Variants in KIRREL3 observed in about 807,000 individuals in gnomAD.
KIRREL3 encodes the protein kin of IRRE-like protein 3.
KIRREL3 carries 36 observed loss-of-function variants against 89.7 expected under a neutral mutation model. That is an observed-to-expected ratio of 0.40 (90% confidence interval 0.31 to 0.53). The LOEUF (loss-of-function observed/expected upper bound fraction) is 0.53, where lower values mean the gene tolerates loss of function less well. Ranked by LOEUF, KIRREL3 falls within the 20% of genes least tolerant of loss-of-function variation. KIRREL3 has a pLI of 0.49. For missense variants in KIRREL3, 864 were observed against 1,056.6 expected, an observed-to-expected ratio of 0.82 and a Z score of 2.53; for synonymous variants, 445 against 441.4, an observed-to-expected ratio of 1.01 and a Z score of -0.10.
intron 4 of KIRREL3, among the ~76,000 whole-genome samples, chr11:126,479,862 T>C (rs751499809): frequency 2.0e-5 from 3 of 152,226 alleles, no homozygotes; most frequent in Non-Finnish European, 4.4e-5. Context: ...ACTGGTCTTC[T>C]CCTGGGTCAC....
At chr11:126,735,919 A>G (rs1345121429) in intron 1 of KIRREL3, among the ~76,000 whole-genome samples, 2 of 152,226 alleles carry the variant, frequency 1.3e-5, no homozygotes, top group Admixed American at 6.5e-5. Flanking sequence ...TAAACATCCC[A>G]GTATTTCCAG....
rs1947674841 is a variant in KIRREL3 at position 126,709,545 on chromosome 11, A to T, written c.56-146633T>A. Among the ~76,000 whole-genome samples the T allele has an allele frequency of 6.6e-6, 1 of 152,152 alleles. No individual in the cohort carries two copies. The highest frequency in any genetic ancestry group is 2.4e-5 in the African/African-American group (1 of 41,436). The stretch of plus-strand genomic sequence containing the variant: ...GTCTATATTTGGAGATAGGGTCTTT[A>T]AAAAGGTGATTAAGTTAAAATGAGG... On this transcript the variant is annotated intron_variant, in intron 1 of 16. Coordinates refer to ENST00000525144, the MANE Select transcript of KIRREL3 (RefSeq NM_032531.4). The surrounding 1 kb of genome is among the most constrained non-coding windows in gnomAD (Gnocchi z 4.0).
chr11:127,000,125 C>T lies in KIRREL3; in HGVS notation c.55+330G>A, dbSNP rs7924986. 0.1 allele frequency among the ~76,000 whole-genome samples: 15,424 copies of T among 152,092 alleles called. 1,373 individuals carry two copies. Among genetic ancestry groups the T allele is most frequent in the East Asian group, 0.42 (2,167 of 5,152 alleles). On this transcript the variant is annotated intron_variant, in intron 1 of 16. Coordinates refer to ENST00000525144, the MANE Select transcript of KIRREL3 (RefSeq NM_032531.4). The surrounding 1 kb of genome is among the most constrained non-coding windows in gnomAD (Gnocchi z 7.1). ...AGAGGAGGTGCCCAGAAGTTCAGAG[C>T]GGCATAACCACAGAGATACTACCTA...
rs778871292 is a variant in KIRREL3 at position 126,965,634 on chromosome 11, C to CTT, written c.55+34819_55+34820dup. ...CTTTAAATATTATAAAATTTTGGTT[C>CTT]TTTGCTGATGGAGAGGTCAGAGCCA... On this transcript the variant is annotated intron_variant, in intron 1 of 16. Transcript: ENST00000525144. The surrounding 1 kb of genome is among the most constrained non-coding windows in gnomAD (Gnocchi z 4.4). 1.3e-5 allele frequency among the ~76,000 whole-genome samples: 2 copies of CTT among 152,126 alleles called. No homozygotes were observed. The highest frequency in any genetic ancestry group is 3.8e-4 in the East Asian group (2 of 5,198).
At chr11:126,599,634 G>A (rs956255172) in intron 1 of KIRREL3, among the ~76,000 whole-genome samples, 2 of 152,172 alleles carry the variant, frequency 1.3e-5, no homozygotes, top group Non-Finnish European at 2.9e-5. Context: ...CCAAGATACC[G>A]GGTATCCCCA....
intron 1 of KIRREL3, among the ~76,000 whole-genome samples, chr11:126,937,681 C>T (rs886311312): frequency 4.6e-5 from 7 of 151,642 alleles, no homozygotes; most frequent in South Asian, 2.1e-4. Flanking sequence ...GGGTGGATCA[C>T]GAGGTCAGGA....
chr11:126,631,513 G>C (rs778782450), intron 1 of KIRREL3, among the ~76,000 whole-genome samples: 6 of 152,194 alleles, frequency 3.9e-5, no homozygotes, highest in Non-Finnish European at 8.8e-5. Flanking sequence ...GCTCAGGACA[G>C]GTGGGCCCCT....
intron 4 of KIRREL3, among the ~76,000 whole-genome samples, chr11:126,517,557 C>T (rs1958459484): frequency 1.3e-5 from 2 of 152,156 alleles, no homozygotes; most frequent in Admixed American, 1.3e-4. Context: ...AAGGCCAGGA[C>T]CCCAGGGCTG....
chr11:126,881,867 G>A (rs4612819), intron 1 of KIRREL3, among the ~76,000 whole-genome samples: 93,713 of 152,042 alleles, frequency 0.62, 30,397 homozygotes, highest in African/African-American at 0.82. Flanking sequence ...TTAAAAAACC[G>A]AAACAACAGG....
At position 126,821,973 on chromosome 11, in the gene KIRREL3, G is replaced by A. The variant is rs557884620; in HGVS notation, c.55+178482C>T. ...CCAGTGAAATGCATTTTGGACTTCC[G>A]ACCTCCAGAACTGTGAAGATAGTTA... On this transcript the variant is annotated intron_variant, in intron 1 of 16. Coordinates refer to ENST00000525144, the MANE Select transcript of KIRREL3 (RefSeq NM_032531.4). 4.6e-5 allele frequency among the ~76,000 whole-genome samples: 7 copies of A among 152,270 alleles called. No individual in the cohort carries two copies. The East Asian group carries it at 1.4e-3, about 29-fold the overall frequency.
chr11:126,972,887 A>G (rs928068888), intron 1 of KIRREL3, among the ~76,000 whole-genome samples: 3 of 152,114 alleles, frequency 2.0e-5, no homozygotes, highest in African/African-American at 7.2e-5. Context: ...ATTTTCCGCC[A>G]TCGTGCACAT....
rs376600383 is a variant in KIRREL3, at chr11:126,492,511, G to A, written c.434-19045C>T. ...AGAGGTGTTTCTATCTGTAGGGGCC[G>A]AGGGGCTAGGGGAGCATGGGGCTGG... On this transcript the variant is annotated intron_variant, in intron 4 of 16. Coordinates refer to ENST00000525144, the MANE Select transcript of KIRREL3 (RefSeq NM_032531.4). The surrounding 1 kb of genome is among the most constrained non-coding windows in gnomAD (Gnocchi z 4.8). Among the ~76,000 whole-genome samples the A allele has an allele frequency of 2.0e-5, 3 of 152,162 alleles. No individual in the cohort carries two copies. The highest frequency in any genetic ancestry group is 4.8e-5 in the African/African-American group (2 of 41,440).
At chr11:126,855,867 G>T (rs1396669972) in intron 1 of KIRREL3, among the ~76,000 whole-genome samples, 2 of 152,174 alleles carry the variant, frequency 1.3e-5, no homozygotes, top group African/African-American at 4.8e-5. Flanking sequence ...GGTTTCTCTG[G>T]ACCTGGTCTA....
chr11:126,544,665 C>T lies in KIRREL3; in HGVS notation c.134-17978G>A, dbSNP rs1052040821. Among the ~76,000 whole-genome samples, 1 of 152,200 alleles carries T rather than the reference C, an allele frequency of 6.6e-6. No individual in the cohort carries two copies. The highest frequency in any genetic ancestry group is 2.4e-5 in the African/African-American group (1 of 41,440). On this transcript the variant is annotated intron_variant, in intron 2 of 16. Coordinates refer to ENST00000525144, the MANE Select transcript of KIRREL3 (RefSeq NM_032531.4). This position sits in a 1 kb window ranked among gnomAD's most constrained non-coding sequence, Gnocchi z 5.6. The stretch of plus-strand genomic sequence containing the variant: ...GCAAATGGGCCCTGTCATTTATTTA[C>T]TCCCTCCACGGGGCTGCTTTTTGTA...
Position 126,620,187 on chromosome 11 carries a change from AT to A in KIRREL3, c.56-57276del, listed in dbSNP as rs36043250. Among the ~76,000 whole-genome samples the A allele has an allele frequency of 6.6e-6, 1 of 151,766 alleles. No individual in the cohort carries two copies. The highest frequency in any genetic ancestry group is 1.9e-4 in the East Asian group (1 of 5,172). On this transcript the variant is annotated intron_variant, in intron 1 of 16. Coordinates refer to ENST00000525144, the MANE Select transcript of KIRREL3 (RefSeq NM_032531.4). This position sits in a 1 kb window ranked among gnomAD's most constrained non-coding sequence, Gnocchi z 4.8. ...CAAGGCTACTTTCTTCCTTCTTAAA[AT>A]TTTTCCAATCAGCTATTATAGTTCC...
At position 126,557,760 on chromosome 11, in the gene KIRREL3, T is replaced by C. The variant is rs1939812959; in HGVS notation, c.133+5075A>G. Among the ~76,000 whole-genome samples the C allele has an allele frequency of 6.6e-6, 1 of 152,170 alleles. No individual in the cohort carries two copies. The stretch of plus-strand genomic sequence containing the variant: ...CAGGGCTCTGACTCCCCTGTAAGGC[T>C]GGGAAGTGAGGACAGGTGCTGTGGG... On this transcript the variant is annotated intron_variant, in intron 2 of 16. Coordinates refer to ENST00000525144, the MANE Select transcript of KIRREL3 (RefSeq NM_032531.4). This position sits in a 1 kb window ranked among gnomAD's most constrained non-coding sequence, Gnocchi z 5.6.
At position 126,489,300 on chromosome 11, in the gene KIRREL3, T is replaced by C. The variant is rs1345069699; in HGVS notation, c.434-15834A>G. Among the ~76,000 whole-genome samples the C allele has an allele frequency of 1.3e-5, 2 of 152,146 alleles. No homozygotes were observed. Among genetic ancestry groups the C allele is most frequent in the Admixed American group, 6.5e-5 (1 of 15,274 alleles). On this transcript the variant is annotated intron_variant, in intron 4 of 16. Coordinates refer to ENST00000525144, the MANE Select transcript of KIRREL3 (RefSeq NM_032531.4). The surrounding 1 kb of genome is among the most constrained non-coding windows in gnomAD (Gnocchi z 5.5). ...CATGTTCCTCTTTGTCTCTCTCTCC[T>C]GCCCCAGCTCAGCCTGCACGGAGCA...
intron 4 of KIRREL3, among the ~76,000 whole-genome samples, chr11:126,493,361 G>C (rs112748295): frequency 6.8e-6 from 1 of 147,596 alleles, no homozygotes; most frequent in African/African-American, 2.5e-5. Context: ...CTCTACTAAA[G>C]ATACAAAAAA....
At chr11:126,928,121 G>A (rs750998992) in intron 1 of KIRREL3, among the ~76,000 whole-genome samples, 10 of 152,298 alleles carry the variant, frequency 6.6e-5, no homozygotes, top group Admixed American at 1.3e-4. Context: ...AAGTGCTACC[G>A]TCAATGTATT....
Sources: gnomAD v4.1 joint callset for allele counts (sites outside exome capture counted in the v4.1 genomes callset) on GRCh38, gnomAD v4.1.1 for gene constraint, Gnocchi (gnomAD v3.1) non-coding constraint, MANE v1.5 for transcripts, NCBI Gene and HGNC (gene_info 2026-07-23, HGNC 2026-07-21) for gene names.